The following RPS16 variants were observed in gnomAD, a reference collection of about 807,000 sequenced individuals.
RPS16 encodes the protein small ribosomal subunit protein uS9.
A neutral mutation model predicts 20.1 loss-of-function variants in RPS16; 2 were observed. The ratio of observed to expected loss-of-function variants is 0.10; its 90% CI spans 0.04 to 0.31. RPS16 has a LOEUF of 0.31. Ranked by LOEUF, RPS16 falls within the 10% of genes least tolerant of loss-of-function variation. The probability of loss-of-function intolerance (pLI) is 1.00; values close to 1 mark genes in which losing one functional copy is unlikely to be tolerated. For synonymous variants in RPS16, 95 were observed against 76.1 expected (o/e 1.25, Z -1.29); for missense variants, 129 against 198.6 (o/e 0.65, Z 2.11).
Position 39,433,205 on chromosome 19 carries a change from A to C in RPS16, c.*68T>G, listed in dbSNP as rs1420256047. 1.3e-6 allele frequency: 2 copies of C among 1,515,452 alleles called. No individual in the cohort carries two copies. Among genetic ancestry groups the C allele is most frequent in the Non-Finnish European group, 1.8e-6 (2 of 1,098,114 alleles). 93.9% of individuals were successfully genotyped at this position (1,515,452 alleles called of 1,614,324 possible). A position where few individuals can be genotyped will look rare whatever the true frequency, so the allele number is the denominator to read the frequency against. On this transcript the variant is annotated 3_prime_UTR_variant, in exon 5 of 5. Transcript: ENST00000251453. ...AATACCAACACATAAGGCCACACAC[A>C]GTTCTTGAAACTTTAAAATCCCTCA...
intron 2 of RPS16, 109 bp downstream of exon 2, chr19:39,435,498 C>T: frequency 2.4e-6 from 2 of 847,988 alleles, no homozygotes; most frequent in South Asian, 3.2e-5. Flanking sequence ...CCCAACACAA[C>T]TTCTAAACAT....
rs149904647 is a variant in RPS16 at position 39,435,862 on chromosome 19, C to G, written c.34G>C (p.Val12Leu). 12 of 1,609,682 alleles carry G rather than the reference C, an allele frequency of 7.5e-6. No individual in the cohort carries two copies. Among genetic ancestry groups the G allele is most frequent in the Non-Finnish European group, 9.3e-6 (11 of 1,179,992 alleles). ...GTCTGGCTCACCTTGCGTCCGAAGA[C>G]CTGCACAGACTGCAGCGGGCCCTTG... ...PSKGPLQSVQ[V>L]FGRKKTATAV... The change falls in exon 1 of 5, where the codon GTC becomes CTC. Residue 12 changes from valine to leucine, a missense_variant. By Grantham distance (32) the Val-to-Leu change is conservative. This residue lies in a region of RPS16 where 117 missense variants were observed against 151.4 expected (regional missense o/e 0.77). Transcript: ENST00000251453.
intron 1 of RPS16, 40 bp from the exon 2 acceptor site, chr19:39,435,748 G>A: frequency 1.2e-6 from 2 of 1,607,632 alleles, no homozygotes; most frequent in Non-Finnish European, 1.7e-6. Context: ...GTGAGCTCCG[G>A]CTCCAGCTCC....
intron 2 of RPS16, chr19:39,435,356 G>T: frequency 2.1e-6 from 1 of 474,168 alleles, no homozygotes; most frequent in Non-Finnish European, 3.7e-6. Context: ...GGGTCCCCCC[G>T]CCCCAGTGAG....
In RPS16 at chr19:39,433,757, A is replaced by T. The variant is rs779334637; in HGVS notation, c.155T>A (p.Leu52Gln). Residue 52 changes from leucine (L) to glutamine (Q), a missense_variant, in exon 3 of 5, where the codon CTG (leucine) becomes CAG (glutamine). By Grantham distance (113) the Leu-to-Gln change is moderately radical (BLOSUM62 -2). This residue lies in a region of RPS16 where 117 missense variants were observed against 151.4 expected (regional missense o/e 0.77). Transcript: ENST00000251453. ...IEPRTLQYKL[L>Q]EPVLLLGKER... Reference sequence around the variant, plus strand: ...CTTGCCGAGAAGCAGAACTGGCTCCAGCAGCTAAAGGAATGGGGAATGAAC... The same window carrying T: ...CTTGCCGAGAAGCAGAACTGGCTCCTGCAGCTAAAGGAATGGGGAATGAAC... 6.2e-7 allele frequency: 1 copy of T among 1,614,052 alleles called. No individual in the cohort carries two copies. The highest frequency in any genetic ancestry group is 8.5e-7 in the Non-Finnish European group (1 of 1,180,004).
At chr19:39,434,097 T>C in intron 2 of RPS16, 5 of 328,196 alleles carry the variant, frequency 1.5e-5, no homozygotes, top group South Asian at 1.4e-4. Flanking sequence ...TTCCAATAGC[T>C]TCTGAAACTC....
intron 2 of RPS16, chr19:39,434,017 G>GT: frequency 2.1e-6 from 1 of 473,644 alleles, no homozygotes; most frequent in Admixed American, 3.3e-5. Context: ...CCTCCTACTT[G>GT]TGTCCCTCAC....
At chr19:39,433,782 C>G in intron 2 of RPS16, 21 bp from the exon 3 acceptor site, 1 of 1,611,964 alleles carries the variant, frequency 6.2e-7, no homozygotes, top group Non-Finnish European at 8.5e-7. Context: ...GGGGAATGAA[C>G]AGGGATTTAA....
intron 2 of RPS16, 191 bp from the exon 3 acceptor site, chr19:39,433,952 T>A: frequency 3.4e-6 from 2 of 586,738 alleles, no homozygotes; most frequent in Non-Finnish European, 6.1e-6. Context: ...GATATGAGAC[T>A]GCTGAAGTGG....
Position 39,433,538 on chromosome 19 carries a change from C to T in RPS16, c.279G>A (p.Val93=), listed in dbSNP as rs942640471. The change falls in exon 4 of 5, where the codon GTG becomes GTA. Residue 93 remains valine (V), a synonymous_variant. Transcript: ENST00000251453. ...CTCACTCACATTTCTGGTAATAGGCCACCAGGGCTTTGGAGATGGACTGAC... is the reference window on the plus strand; with the variant it reads ...CTCACTCACATTTCTGGTAATAGGCTACCAGGGCTTTGGAGATGGACTGAC... ...AIRQSISKAL[V]AYYQKYVDEA... 96 of 1,614,074 alleles carry T rather than the reference C, an allele frequency of 5.9e-5. No homozygotes were observed. The highest frequency in any genetic ancestry group is 1.1e-4 in the East Asian group (5 of 44,902).
In RPS16 at chr19:39,433,246, A is replaced by G. The variant is rs765250507; in HGVS notation, c.*27T>C. 6 of 1,610,870 alleles carry G rather than the reference A, an allele frequency of 3.7e-6. No homozygotes were observed. Among genetic ancestry groups the G allele is most frequent in the Non-Finnish European group, 2.5e-6 (3 of 1,179,122 alleles). On this transcript the variant is annotated 3_prime_UTR_variant, in exon 5 of 5. Transcript: ENST00000251453. The stretch of plus-strand genomic sequence containing the variant: ...AAATCCCTCAAAAACTGTTTATTAT[A>G]CAAGTGAGTTTTGAGTCACGATGGG...
At position 39,433,186 on chromosome 19, in the gene RPS16, A is replaced by G. The variant is rs1005681085; in HGVS notation, c.*87T>C. 58 of 1,381,214 alleles carry G rather than the reference A, an allele frequency of 4.2e-5. No individual in the cohort carries two copies. Among genetic ancestry groups the G allele is most frequent in the Non-Finnish European group, 5.8e-5 (57 of 988,174 alleles). The allele number at this position is 1,381,214 out of a possible 1,614,324, so 85.6% of individuals were successfully genotyped here. A position where few individuals can be genotyped will look rare whatever the true frequency, so the allele number is the denominator to read the frequency against. ...TCTGTCTGGTTAAACATCCAATACC[A>G]ACACATAAGGCCACACACAGTTCTT... On this transcript the variant is annotated 3_prime_UTR_variant, in exon 5 of 5. Transcript: ENST00000251453.
chr19:39,434,090 C>T (rs2146041468), intron 2 of RPS16: 1 of 338,312 alleles, frequency 3.0e-6, no homozygotes, highest in Non-Finnish European at 5.7e-6. Flanking sequence ...AGGAGCATTC[C>T]AATAGCTTCT....
At chr19:39,433,859 C>T (rs2078844771) in intron 2 of RPS16, 98 bp from the exon 3 acceptor site, 3 of 1,114,162 alleles carry the variant, frequency 2.7e-6, no homozygotes, top group Non-Finnish European at 2.6e-6. Flanking sequence ...CCACCACTGG[C>T]CTTCAAGTAC....
At chr19:39,435,501 C>T in intron 2 of RPS16, 106 bp downstream of exon 2, 1 of 870,588 alleles carries the variant, frequency 1.1e-6, no homozygotes, top group Non-Finnish European at 1.8e-6. Flanking sequence ...AACACAACTT[C>T]TAAACATCCC....
chr19:39,433,814 C>A (rs1277027394), intron 2 of RPS16, 53 bp from the exon 3 acceptor site: 2 of 1,559,530 alleles, frequency 1.3e-6, no homozygotes, highest in Non-Finnish European at 1.8e-6. Flanking sequence ...GGCAGCTTAG[C>A]CATCTCACTG....
At position 39,433,509 on chromosome 19, in the gene RPS16, C is replaced by G. The variant is rs2078841986; in HGVS notation, c.295+13G>C. ...ACCCATCTACCTCATGGGAAGGACC[C>G]ATGCTCACTCACATTTCTGGTAATA... On this transcript the variant is annotated intron_variant, in intron 4 of 4. Transcript: ENST00000251453. The G allele has an allele frequency of 6.2e-7, 1 of 1,613,956 alleles. No individual in the cohort carries two copies. The highest frequency in any genetic ancestry group is 8.5e-7 in the Non-Finnish European group (1 of 1,179,916).
rs780600765 is a variant in RPS16, at chr19:39,435,897, G to T, written c.-2C>A. The T allele has an allele frequency of 6.9e-6, 11 of 1,605,052 alleles. No homozygotes were observed. Among genetic ancestry groups the T allele is most frequent in the Non-Finnish European group, 9.3e-6 (11 of 1,179,964 alleles). On this transcript the variant is annotated 5_prime_UTR_variant, in exon 1 of 5. Coordinates refer to ENST00000251453, the MANE Select transcript of RPS16 (RefSeq NM_001020.6). ...CTGCAGCGGGCCCTTGGACGGCATGGCTCCGAGCGTGGACTAGACAACCTC... is the reference window on the plus strand; with the variant it reads ...CTGCAGCGGGCCCTTGGACGGCATGTCTCCGAGCGTGGACTAGACAACCTC...
At chr19:39,433,977 G>C (rs776551694) in intron 2 of RPS16, 20 of 547,394 alleles carry the variant, frequency 3.7e-5, no homozygotes, top group Non-Finnish European at 5.9e-5. Context: ...AAGAAATATA[G>C]GCAAGGTAAA....
Sources: allele counts gnomAD v4.1 joint callset, GRCh38; gene constraint gnomAD v4.1.1; regional missense constraint gnomAD v4.1.1; transcripts MANE v1.5; gene names NCBI Gene and HGNC (gene_info 2026-07-23, HGNC 2026-07-21).